KDM7A: variants seen among roughly 807,000 people sequenced by gnomAD.
KDM7A encodes the protein lysine demethylase 7A.
Under a neutral mutation model 114.8 loss-of-function variants are expected in KDM7A, and 28 were observed. That is an observed-to-expected ratio of 0.24 (90% confidence interval 0.18 to 0.33). KDM7A has a LOEUF of 0.33. Among genes scored for constraint, KDM7A ranks in the 10% least tolerant of loss-of-function variants. The pLI is 1.00. For synonymous variants in KDM7A, 423 were observed against 397.8 expected (o/e 1.06, Z -0.75); for missense variants, 942 against 1,142.5 (o/e 0.82, Z 2.53).
chr7:140,095,926 A>G (rs1358191158), intron 17 of KDM7A, among the ~76,000 whole-genome samples: 1 of 152,156 alleles, frequency 6.6e-6, no homozygotes, highest in East Asian at 1.9e-4. Context: ...AGTGAAATGG[A>G]TGTCAAGCTC....
At chr7:140,138,422 G>A (rs976012030) in intron 2 of KDM7A, among the ~76,000 whole-genome samples, 8 of 152,162 alleles carry the variant, frequency 5.3e-5, no homozygotes, top group African/African-American at 1.9e-4. Flanking sequence ...TGAAGCATCT[G>A]TAAAAAGCTG....
At position 140,169,129 on chromosome 7, in the gene KDM7A, C is replaced by T. The variant is rs189200003; in HGVS notation, c.194+7615G>A. ...CAATAAAAAGGAAACAGGGCTCACA[C>T]ATATAGACACGAAAATCATACAAGT... On this transcript the variant is annotated intron_variant, in intron 1 of 19. Coordinates refer to ENST00000397560, the MANE Select transcript of KDM7A (RefSeq NM_030647.2). 3.9e-5 allele frequency among the ~76,000 whole-genome samples: 6 copies of T among 152,236 alleles called. No homozygotes were observed. The East Asian group carries it at 1.2e-3, about 29-fold the overall frequency.
At chr7:140,114,833 G>T (rs1427094027) in intron 9 of KDM7A, among the ~76,000 whole-genome samples, 2 of 147,674 alleles carry the variant, frequency 1.4e-5, no homozygotes, top group African/African-American at 2.5e-5. Flanking sequence ...CCGTCTGGGA[G>T]GTGAGGAGCC....
intron 12 of KDM7A, among the ~76,000 whole-genome samples, chr7:140,100,741 T>TATAC (rs1562946178): frequency 4.4e-5 from 2 of 45,586 alleles, no homozygotes; most frequent in South Asian, 7.8e-4. Context: ...TATATATATA[T>TATAC]ACATATATAT....
At chr7:140,103,456 T>TCCCCCCCCCCCCCC (rs36126233) in intron 11 of KDM7A, among the ~76,000 whole-genome samples, 1 of 147,604 alleles carries the variant, frequency 6.8e-6, no homozygotes. Flanking sequence ...ATGTTATCCC[T>TCCCCCCCCCCCCCC]CCCCCCCCCT....
intron 17 of KDM7A, chr7:140,094,770 T>A (rs1818076683): frequency 6.6e-6 from 1 of 152,530 alleles, no homozygotes; most frequent in African/African-American, 2.4e-5. Context: ...CAAATAGTTA[T>A]AAACACCATA....
intron 11 of KDM7A, among the ~76,000 whole-genome samples, chr7:140,107,602 C>T (rs943935110): frequency 3.3e-5 from 5 of 152,224 alleles, no homozygotes; most frequent in Non-Finnish European, 5.9e-5. Context: ...TATTGGCCCC[C>T]ACTCTCTTCT....
chr7:140,103,970 CTGT>C (rs1194436656), intron 11 of KDM7A, among the ~76,000 whole-genome samples: 2 of 152,152 alleles, frequency 1.3e-5, no homozygotes, highest in Non-Finnish European at 2.9e-5. Context: ...TCTCCAGCAC[CTGT>C]TGTTTCCTGA....
chr7:140,128,459 T>C (rs1818739667), intron 4 of KDM7A, among the ~76,000 whole-genome samples: 1 of 152,218 alleles, frequency 6.6e-6, no homozygotes, highest in Admixed American at 6.5e-5. Context: ...AGTATTTAAC[T>C]GAAGTGCTCT....
intron 12 of KDM7A, among the ~76,000 whole-genome samples, chr7:140,100,494 T>C (rs1293487575): frequency 6.6e-6 from 1 of 151,824 alleles, no homozygotes. Context: ...ATAAAGGCAG[T>C]AGCTGGGTTT....
In KDM7A at chr7:140,176,677, CCGGCGG is replaced by C. The variant is rs1436751703; in HGVS notation, c.194+61_194+66del. The C allele has an allele frequency of 2.9e-6, 3 of 1,036,552 alleles. 1 individual carries two copies. The allele number at this position is 1,036,552 out of a possible 1,614,324, so 64.2% of individuals were successfully genotyped here. A position where few individuals can be genotyped will look rare whatever the true frequency, so the allele number is the denominator to read the frequency against. On this transcript the variant is annotated intron_variant, in intron 1 of 19. Transcript: ENST00000397560. The surrounding 1 kb of genome is among the most constrained non-coding windows in gnomAD (Gnocchi z 4.4). The stretch of plus-strand genomic sequence containing the variant: ...CCCGGCCCGAGGGAGGCGCGGGCGG[CCGGCGG>C]CGGCGGCGGTTGGTCGGTGGCCGGC...
chr7:140,121,262 G>A (rs1029033838), intron 7 of KDM7A, among the ~76,000 whole-genome samples: 13 of 152,108 alleles, frequency 8.5e-5, no homozygotes, highest in African/African-American at 2.2e-4. Context: ...AAGACATGAC[G>A]TCTAACTTTT....
At chr7:140,159,301 C>A (rs986193697) in intron 1 of KDM7A, among the ~76,000 whole-genome samples, 2 of 152,112 alleles carry the variant, frequency 1.3e-5, no homozygotes, top group Admixed American at 6.5e-5. Flanking sequence ...GAGCCGAGTT[C>A]ATGCCGCTGC....
intron 9 of KDM7A, among the ~76,000 whole-genome samples, chr7:140,116,943 T>C (rs1585147898): frequency 6.6e-6 from 1 of 152,198 alleles, no homozygotes; most frequent in South Asian, 2.1e-4. Flanking sequence ...TAACCCACCA[T>C]ATAAGCCTTA....
At chr7:140,143,269 T>G (rs1794306077) in intron 1 of KDM7A, among the ~76,000 whole-genome samples, 1 of 151,910 alleles carries the variant, frequency 6.6e-6, no homozygotes, top group South Asian at 2.1e-4. Flanking sequence ...CGAAGTATAC[T>G]GTTTAGGGAT....
chr7:140,114,408 G>C (rs887415569), intron 9 of KDM7A, among the ~76,000 whole-genome samples: 1 of 152,188 alleles, frequency 6.6e-6, no homozygotes, highest in African/African-American at 2.4e-5. Flanking sequence ...AACCGCGAGT[G>C]ATCTGCCAGC....
chr7:140,097,500 A>C (rs776440480), intron 15 of KDM7A, 45 bp downstream of exon 15: 1 of 1,040,678 alleles, frequency 9.6e-7, no homozygotes, highest in Non-Finnish European at 1.5e-6. Flanking sequence ...CGTGGTGCTC[A>C]TCTTTCCATC....
chr7:140,168,877 A>G (rs1299023636), intron 1 of KDM7A, among the ~76,000 whole-genome samples: 1 of 152,238 alleles, frequency 6.6e-6, no homozygotes, highest in Non-Finnish European at 1.5e-5. Context: ...CTGTTGTACA[A>G]AAAAAGTTAC....
chr7:140,126,785 T>G lies in KDM7A; in HGVS notation c.740A>C (p.Lys247Thr). 1.2e-6 allele frequency: 2 copies of G among 1,614,078 alleles called. No individual in the cohort carries two copies. Among genetic ancestry groups the G allele is most frequent in the Non-Finnish European group, 1.7e-6 (2 of 1,179,988 alleles). ...CCAATAATTTTCCACCCAGGAAAGT[T>G]TTTTGGCTATATCAGGGACCTCCAC... The part of the protein sequence containing the change: ...ELVEVPDIAK[K>T]LSWVENYWPD... Residue 247 changes from lysine to threonine, a missense_variant, in exon 6 of 20, where the codon AAA (lysine) becomes ACA (threonine). Coordinates refer to ENST00000397560, the MANE Select transcript of KDM7A (RefSeq NM_030647.2).
Sources: allele counts gnomAD v4.1 joint callset (sites outside exome capture counted in the v4.1 genomes callset), GRCh38; gene constraint gnomAD v4.1.1; non-coding constraint Gnocchi (gnomAD v3.1); transcripts MANE v1.5; gene names NCBI Gene and HGNC (gene_info 2026-07-23, HGNC 2026-07-21).